ALLC: variants seen among roughly 807,000 people sequenced by gnomAD.
ALLC encodes the protein probable inactive allantoicase.
A neutral mutation model predicts 45.0 loss-of-function variants in ALLC; 40 were observed. That is an observed-to-expected ratio of 0.89 (90% CI 0.69 to 1.16). ALLC has a LOEUF of 1.16. Ranked by LOEUF, ALLC falls within the 50% of genes most tolerant of loss-of-function variation. ALLC has a pLI of 0.00. For synonymous variants in ALLC, 176 were observed against 178.1 expected, an observed-to-expected ratio of 0.99 and a Z score of 0.09; for missense variants, 488 against 493.1, an observed-to-expected ratio of 0.99 and a Z score of 0.10.
chr2:3,674,846 T>G (rs894733006), intron 3 of ALLC, among the ~76,000 whole-genome samples: 7 of 152,172 alleles, frequency 4.6e-5, no homozygotes, highest in Non-Finnish European at 7.4e-5. Context: ...TTTTTCTAGG[T>G]CACACAGTTA....
intron 10 of ALLC, among the ~76,000 whole-genome samples, 192 bp from the exon 11 acceptor site, chr2:3,701,320 T>C (rs998262116): frequency 6.6e-6 from 1 of 152,178 alleles, no homozygotes; most frequent in Non-Finnish European, 1.5e-5. Flanking sequence ...AATGTCTATT[T>C]CATGAGACAA....
In ALLC at chr2:3,678,491, G is replaced by A. The variant is rs763009149; in HGVS notation, c.108G>A (p.Glu36=). 18 of 1,613,908 alleles carry A rather than the reference G, an allele frequency of 1.1e-5. No homozygotes were observed. Among genetic ancestry groups the A allele is most frequent in the Non-Finnish European group, 1.5e-5 (18 of 1,179,874 alleles). ...LIKSDSPCFK[E]HEYTEFGKWM... is the part of the protein sequence containing the mutation. ...AGAGTGACAGCCCGTGCTTCAAAGA[G>A]CATGAATATACGGAGTTTGGGAAAT... The change falls in exon 4 of 12, where the codon GAG becomes GAA. Residue 36 remains glutamate, a synonymous_variant. Transcript: ENST00000252505.
chr2:3,648,169 C>T, the ALLC span, among the ~76,000 whole-genome samples: 1 of 152,162 alleles, frequency 6.6e-6, no homozygotes, highest in Admixed American at 6.5e-5. Flanking sequence ...GCTCTTTGGC[C>T]TAGAGAGGTT....
chr2:3,674,140 C>T lies in ALLC; in HGVS notation c.84+15C>T, dbSNP rs751163786. On this transcript the variant is annotated intron_variant, in intron 3 of 11. Coordinates refer to ENST00000252505, the MANE Select transcript of ALLC (RefSeq NM_018436.4). ...ACCTCATAAAGGTATTGTAAATTGA[C>T]ATTCTGCAATGTAAAGGGTTGATGT... 2 of 1,535,432 alleles carry T rather than the reference C, an allele frequency of 1.3e-6. No homozygotes were observed. Among genetic ancestry groups the T allele is most frequent in the South Asian group, 1.2e-5 (1 of 83,730 alleles).
In ALLC at chr2:3,695,814, TG is replaced by T; in HGVS notation, c.614del (p.Gly205ValfsTer4). 6.2e-7 allele frequency: 1 copy of T among 1,613,970 alleles called. No homozygotes were observed. Among genetic ancestry groups the T allele is most frequent in the Non-Finnish European group, 8.5e-7 (1 of 1,179,872 alleles). On this transcript the variant is annotated frameshift_variant, in exon 8 of 12. Transcript: ENST00000252505. LOFTEE classifies it high-confidence loss of function. ...CTGCAGACCTAGTGGCCATCGCTTT[TG>T]GGGGTGTCTGTGTAGGATTTAGTAA... Reference protein sequence around the residue: ...EPADLVAIAFGGVCVGFSNAK... With the variant: ...EPADLVAIAFXGVCVGFSNAK...
chr2:3,673,275 A>T (rs529372096), intron 2 of ALLC, among the ~76,000 whole-genome samples: 59 of 152,326 alleles, frequency 3.9e-4, no homozygotes, highest in African/African-American at 1.3e-3. Context: ...GAGAGGCCCC[A>T]TGTGCCCTGT....
At chr2:3,651,297 TGGGTGGGTGGGTGGGTGGG>T in the ALLC span, among the ~76,000 whole-genome samples, 1 of 1,716 alleles carries the variant, frequency 5.8e-4, no homozygotes, top group African/African-American at 1.4e-3. Flanking sequence ...GAATTCTTTT[TGGGTGGGTGGGTGGGTGGG>T]GGGGGTGTGT....
intron 1 of ALLC, among the ~76,000 whole-genome samples, chr2:3,666,789 C>T (rs1055898954): frequency 2.0e-5 from 3 of 152,048 alleles, no homozygotes; most frequent in African/African-American, 4.8e-5. Flanking sequence ...ATGGTGGGGG[C>T]GACGGTGGTG....
intron 1 of ALLC, among the ~76,000 whole-genome samples, chr2:3,670,011 C>T (rs893669364): frequency 3.3e-5 from 5 of 152,068 alleles, no homozygotes; most frequent in South Asian, 4.1e-4. Flanking sequence ...GGGATGAGGG[C>T]GCAGGAGGAG....
At chr2:3,699,022 G>GT (rs150764782) in intron 10 of ALLC, among the ~76,000 whole-genome samples, 2,988 of 152,216 alleles carry the variant, frequency 0.02, 103 homozygotes, top group African/African-American at 0.068. Flanking sequence ...CATTTTATCT[G>GT]TTTTTTCTTT....
At chr2:3,699,620 C>G (rs1243931462) in intron 10 of ALLC, among the ~76,000 whole-genome samples, 1 of 152,198 alleles carries the variant, frequency 6.6e-6, no homozygotes, top group Non-Finnish European at 1.5e-5. Context: ...CTCCCACCAG[C>G]AGGGTATATA....
intron 1 of ALLC, among the ~76,000 whole-genome samples, chr2:3,669,922 G>C (rs1281438588): frequency 2.6e-5 from 4 of 152,178 alleles, no homozygotes; most frequent in Non-Finnish European, 4.4e-5. Flanking sequence ...GGAAATTCAT[G>C]TCGGGAAGGT....
intron 1 of ALLC, among the ~76,000 whole-genome samples, chr2:3,661,759 T>C (rs1185925422): frequency 6.6e-6 from 1 of 152,202 alleles, no homozygotes; most frequent in East Asian, 1.9e-4. Context: ...GTGTGTATTA[T>C]AGTTTCATGT....
chr2:3,691,799 A>G (rs1257092516), intron 7 of ALLC, among the ~76,000 whole-genome samples: 1 of 151,860 alleles, frequency 6.6e-6, no homozygotes. Flanking sequence ...AGCAATCTTT[A>G]TTCCTTTTCA....
chr2:3,691,482 C>G (rs964490535), intron 7 of ALLC, among the ~76,000 whole-genome samples: 1 of 151,814 alleles, frequency 6.6e-6, no homozygotes, highest in Non-Finnish European at 1.5e-5. Context: ...AGGCTGGTCT[C>G]AAAATCCTGG....
chr2:3,686,244 T>C lies in ALLC; in HGVS notation c.511+3170T>C, dbSNP rs140048091. 2.7e-3 allele frequency among the ~76,000 whole-genome samples: 403 copies of C among 151,062 alleles called. 8 individuals carry two copies. The highest frequency in any genetic ancestry group is 9.2e-3 in the African/African-American group (382 of 41,468). On this transcript the variant is annotated intron_variant, in intron 7 of 11. Transcript: ENST00000252505. ...CATTTACTGAAGAGACTGTTCCCCA[T>C]TGCGTGTTCTTGGTGCCTTTATTGA...
chr2:3,694,698 T>C (rs537280692), intron 7 of ALLC: 1 of 152,296 alleles, frequency 6.6e-6, no homozygotes, highest in South Asian at 2.1e-4. Flanking sequence ...GCCAATGAAG[T>C]TTTTGGTTTT....
intron 10 of ALLC, 138 bp from the exon 11 acceptor site, chr2:3,701,374 A>T: frequency 1.9e-6 from 2 of 1,062,880 alleles, no homozygotes; most frequent in Admixed American, 2.9e-5. Context: ...CACATACTTC[A>T]TACCTTTGCT....
At chr2:3,663,697 G>T (rs1013630180) in intron 1 of ALLC, among the ~76,000 whole-genome samples, 8 of 152,144 alleles carry the variant, frequency 5.3e-5, no homozygotes, top group African/African-American at 1.2e-4. Context: ...TTCCTATGTT[G>T]ATGAATGGTT....
Sources: gnomAD v4.1 joint callset for allele counts (sites outside exome capture counted in the v4.1 genomes callset) on GRCh38, gnomAD v4.1.1 for gene constraint, MANE v1.5 for transcripts, NCBI Gene and HGNC (gene_info 2026-07-23, HGNC 2026-07-21) for gene names.